Variants in RAD21L1 observed in about 807,000 individuals in gnomAD.
RAD21L1 encodes double-strand-break repair protein rad21-like protein 1.
RAD21L1 carries 47 observed loss-of-function variants against 69.0 expected under a neutral mutation model. The ratio of observed to expected loss-of-function variants is 0.68; its 90% CI spans 0.54 to 0.87. The LOEUF is 0.87. Ranked by LOEUF, RAD21L1 falls within the 40% of genes least tolerant of loss-of-function variation. The pLI is 0.00. For synonymous variants in RAD21L1, 177 were observed against 205.8 expected (o/e 0.86, Z 1.20); for missense variants, 583 against 647.6 (o/e 0.90, Z 1.08).
At chr20:1,239,483 G>T (rs1568520961) in intron 7 of RAD21L1, 76 bp downstream of exon 7, 1 of 750,364 alleles carries the variant, frequency 1.3e-6, no homozygotes. Context: ...AATTTAAGTA[G>T]CAATATAGTA....
intron 3 of RAD21L1, 62 bp downstream of exon 3, chr20:1,230,071 G>A: frequency 7.5e-7 from 1 of 1,326,850 alleles, no homozygotes; most frequent in South Asian, 1.4e-5. Flanking sequence ...ATTGGGGGTG[G>A]GATCTTTTAA....
rs778599462 is a variant in RAD21L1, at chr20:1,239,404, G to C, written c.739G>C (p.Ala247Pro). The C allele has an allele frequency of 1.3e-6, 2 of 1,533,770 alleles. No homozygotes were observed. The highest frequency in any genetic ancestry group is 2.5e-5 in the East Asian group (1 of 40,778). Residue 247 changes from alanine (A) to proline (P), a missense_variant, in exon 7 of 14, where the codon GCA becomes CCA. Transcript: ENST00000683101. ...GCCTTCTGAGCCTCCCAATAGTTTA[G>C]CAGGTAGGTTGAAATTTTCCTTTAT... The part of the protein sequence containing the change: ...SLPSEPPNSL[A>P]VEPDNSECIC...
chr20:1,248,792 A>G (rs1205215421), intron 13 of RAD21L1, 89 bp downstream of exon 13: 5 of 743,352 alleles, frequency 6.7e-6, no homozygotes, highest in African/African-American at 3.7e-5. Context: ...TGAAAACGCA[A>G]TAATTTTCCT....
intron 8 of RAD21L1, among the ~76,000 whole-genome samples, chr20:1,241,942 G>T (rs1037905353): frequency 6.6e-6 from 1 of 152,150 alleles, no homozygotes; most frequent in Admixed American, 6.5e-5. Context: ...CTAGTTACCT[G>T]CTTGGAATGT....
chr20:1,244,259 T>G, intron 11 of RAD21L1, 89 bp downstream of exon 11: 2 of 899,100 alleles, frequency 2.2e-6, no homozygotes, highest in South Asian at 4.5e-5. Flanking sequence ...TTTCTTACAT[T>G]TGTGTAGTTC....
rs968778403 is a variant in RAD21L1 at position 1,255,743 on chromosome 20, CCATATAA to C, written c.*1290_*1296del. ...ATCCCTTTGTAGTAACCCCCTTCCC[CCATATAA>C]CATCTGGCAACCACTCTTCTCCATG... On this transcript the variant is annotated 3_prime_UTR_variant, in exon 14 of 14. Coordinates refer to ENST00000683101, the MANE Select transcript of RAD21L1 (RefSeq NM_001384355.1). Among the ~76,000 whole-genome samples the C allele has an allele frequency of 6.6e-6, 1 of 152,144 alleles. No individual in the cohort carries two copies. The highest frequency in any genetic ancestry group is 2.4e-5 in the African/African-American group (1 of 41,426).
intron 9 of RAD21L1, 70 bp from the exon 10 acceptor site, chr20:1,243,027 T>C (rs1031518710): frequency 1.9e-6 from 2 of 1,028,904 alleles, no homozygotes; most frequent in African/African-American, 1.6e-5. Context: ...TTTTTAGATA[T>C]GTGCTTGTGT....
At chr20:1,243,228 G>A (rs1026521486) in intron 10 of RAD21L1, 32 bp downstream of exon 10, 3 of 1,072,230 alleles carry the variant, frequency 2.8e-6, no homozygotes, top group South Asian at 1.6e-5. Context: ...GATGTTGAGG[G>A]GAATGCTGTG....
chr20:1,254,691 G>T lies in RAD21L1; in HGVS notation c.*234G>T, dbSNP rs897206155. Among the ~76,000 whole-genome samples, 2 of 151,798 alleles carry T rather than the reference G, an allele frequency of 1.3e-5. No homozygotes were observed. Among genetic ancestry groups the T allele is most frequent in the African/African-American group, 4.8e-5 (2 of 41,308 alleles). On this transcript the variant is annotated 3_prime_UTR_variant, in exon 14 of 14. Coordinates refer to ENST00000683101, the MANE Select transcript of RAD21L1 (RefSeq NM_001384355.1). ...TTTTTGTTGTTTTTTTAAGGACAAA[G>T]GTCTCACTATATTGCCCAGGCTGGA...
At chr20:1,233,573 T>C (rs971217012) in intron 4 of RAD21L1, among the ~76,000 whole-genome samples, 1 of 152,176 alleles carries the variant, frequency 6.6e-6, no homozygotes, top group Admixed American at 6.5e-5. Context: ...GGCTGAGAAA[T>C]TCCAGATAAA....
intron 5 of RAD21L1, among the ~76,000 whole-genome samples, chr20:1,236,095 C>A (rs1357498839): frequency 2.0e-5 from 3 of 152,090 alleles, no homozygotes; most frequent in Non-Finnish European, 4.4e-5. Context: ...TACTTTCTGT[C>A]AGCTTCATAC....
chr20:1,237,276 TC>T (rs1314129457), intron 5 of RAD21L1, among the ~76,000 whole-genome samples: 1 of 152,120 alleles, frequency 6.6e-6, no homozygotes, highest in Non-Finnish European at 1.5e-5. Context: ...TGACTTCTGG[TC>T]CCCTGGAACT....
In RAD21L1 at chr20:1,254,438, C is replaced by A. The variant is rs1220429459; in HGVS notation, c.1649C>A (p.Pro550Gln). Residue 550 changes from proline (P) to glutamine (Q), a missense_variant, in exon 14 of 14, where the codon CCA (proline) becomes CAA (glutamine). Transcript: ENST00000683101. The part of the protein sequence containing the change: ...PYADIIATMG[P>Q]MFYNI ...GCAGATATTATAGCTACGATGGGAC[C>A]AATGTTTTATAACATATGAAGGAAA... The A allele has an allele frequency of 6.5e-7, 1 of 1,535,690 alleles. No individual in the cohort carries two copies. The highest frequency in any genetic ancestry group is 8.8e-7 in the Non-Finnish European group (1 of 1,138,112).
chr20:1,226,565 C>T (rs2087264905), intron 1 of RAD21L1, among the ~76,000 whole-genome samples: 1 of 152,094 alleles, frequency 6.6e-6, no homozygotes, highest in African/African-American at 2.4e-5. Context: ...TCTCCCCACG[C>T]CCCTCTCCCA....
At chr20:1,227,168 C>T (rs900994286) in intron 1 of RAD21L1, among the ~76,000 whole-genome samples, 3 of 152,224 alleles carry the variant, frequency 2.0e-5, no homozygotes, top group Non-Finnish European at 4.4e-5. Flanking sequence ...GCCTCAGCCT[C>T]CCACAGTGCT....
At chr20:1,241,580 C>T (rs1026899640) in intron 8 of RAD21L1, among the ~76,000 whole-genome samples, 1 of 152,080 alleles carries the variant, frequency 6.6e-6, no homozygotes, top group African/African-American at 2.4e-5. Context: ...GTGTAGCTTC[C>T]CTGTCTTATT....
intron 5 of RAD21L1, among the ~76,000 whole-genome samples, chr20:1,237,111 A>G (rs565397051): frequency 1.3e-5 from 2 of 152,324 alleles, no homozygotes; most frequent in African/African-American, 2.4e-5. Flanking sequence ...AGAATTTTCA[A>G]TATGGGTAAT....
chr20:1,248,702 G>A lies in RAD21L1; in HGVS notation c.1478G>A (p.Arg493Gln), dbSNP rs1397010372. 8.0e-6 allele frequency: 12 copies of A among 1,508,116 alleles called. No individual in the cohort carries two copies. Among genetic ancestry groups the A allele is most frequent in the East Asian group, 2.5e-5 (1 of 39,830 alleles). 93.4% of individuals were successfully genotyped at this position (1,508,116 alleles called of 1,614,324 possible). Residue 493 changes from arginine to glutamine, a missense_variant and splice_region_variant, in exon 13 of 14, where the codon CGG becomes CAG. Transcript: ENST00000683101. ...GRILQMLNRLRESNKMGMQSF... is the reference protein window; with the variant it reads ...GRILQMLNRLQESNKMGMQSF... The stretch of plus-strand genomic sequence containing the variant: ...ATACTTCAGATGTTAAATCGTTTAC[G>A]GGTGAGATGCTAGGGTTTGTCAACC...
chr20:1,237,662 A>T (rs936514512), intron 5 of RAD21L1, among the ~76,000 whole-genome samples: 1 of 152,082 alleles, frequency 6.6e-6, no homozygotes, highest in African/African-American at 2.4e-5. Flanking sequence ...AACCTCCACT[A>T]TGCATGAACA....
Sources: gnomAD v4.1 joint callset for allele counts (sites outside exome capture counted in the v4.1 genomes callset) on GRCh38, gnomAD v4.1.1 for gene constraint, MANE v1.5 for transcripts, NCBI Gene and HGNC (gene_info 2026-07-23, HGNC 2026-07-21) for gene names.